Variants in SNRNP200 observed in about 807,000 individuals in gnomAD.
The protein encoded by SNRNP200 is U5 small nuclear ribonucleoprotein 200 kDa helicase.
A neutral mutation model predicts 255.2 loss-of-function variants in SNRNP200; 66 were observed. The observed-to-expected ratio is 0.26, with a 90% confidence interval of 0.21 to 0.32. The LOEUF (loss-of-function observed/expected upper bound fraction) is 0.32, where lower values mean the gene tolerates loss of function less well. Ranked by LOEUF, SNRNP200 falls within the 10% of genes least tolerant of loss-of-function variation. The pLI, the probability that SNRNP200 is intolerant of heterozygous loss-of-function variation, is 1.00. For synonymous variants in SNRNP200, 939 were observed against 1,027.8 expected (o/e 0.91, Z 1.65); for missense variants, 1,585 against 2,749.8 (o/e 0.58, Z 9.47).
intron 22 of SNRNP200, 48 bp downstream of exon 22, chr2:96,289,179 G>A: frequency 6.2e-7 from 1 of 1,613,710 alleles, no homozygotes. Context: ...ACCATTCAGT[G>A]ACTTGGTGAG....
rs2063851395 is a variant in SNRNP200, at chr2:96,287,565, GGAA to G, written c.3366-11_3366-9del. On this transcript the variant is annotated splice_polypyrimidine_tract_variant and intron_variant, in intron 25 of 44. Coordinates refer to ENST00000323853, the MANE Select transcript of SNRNP200 (RefSeq NM_014014.5). This position sits in a 1 kb window ranked among gnomAD's most constrained non-coding sequence, Gnocchi z 5.7. ...GGACACATGGACTGCCACCTATCCA[GGAA>G]GGAGGCAAAGCTGTTGGTCCCTTCT... The G allele has an allele frequency of 3.1e-6, 5 of 1,603,968 alleles. No individual in the cohort carries two copies. The highest frequency in any genetic ancestry group is 2.6e-6 in the Non-Finnish European group (3 of 1,170,676).
At position 96,286,488 on chromosome 2, in the gene SNRNP200, C is replaced by A; in HGVS notation, c.3830-4G>T. The A allele has an allele frequency of 6.2e-7, 1 of 1,613,904 alleles. No homozygotes were observed. The highest frequency in any genetic ancestry group is 1.1e-5 in the South Asian group (1 of 91,066). On this transcript the variant is annotated splice_region_variant and splice_polypyrimidine_tract_variant and intron_variant, in intron 28 of 44. Transcript: ENST00000323853. This position sits in a 1 kb window ranked among gnomAD's most constrained non-coding sequence, Gnocchi z 4.8. The stretch of plus-strand genomic sequence containing the variant: ...ACAGGCAGCTGGGTCTCACAAGCTG[C>A]CAGAAAAGAAACAGGAAGGATATAA...
chr2:96,282,190 C>A (rs567924468), intron 34 of SNRNP200: 2 of 446,020 alleles, frequency 4.5e-6, no homozygotes, highest in African/African-American at 4.0e-5. Context: ...GGCAAAACTA[C>A]AGCTGATGGA....
In SNRNP200 at chr2:96,290,921, C is replaced by T. The variant is rs1335977321; in HGVS notation, c.2422-106G>A. 36 of 1,366,536 alleles carry T rather than the reference C, an allele frequency of 2.6e-5. No individual in the cohort carries two copies. The highest frequency in any genetic ancestry group is 2.5e-4 in the South Asian group (21 of 83,368). The allele number at this position is 1,366,536 out of a possible 1,614,324, so 84.7% of individuals were successfully genotyped here. On this transcript the variant is annotated intron_variant, in intron 18 of 44. Coordinates refer to ENST00000323853, the MANE Select transcript of SNRNP200 (RefSeq NM_014014.5). This position sits in a 1 kb window ranked among gnomAD's most constrained non-coding sequence, Gnocchi z 4.5. ...CCTCAGAGCTTCTCTCAGGACTAGC[C>T]GGTAGGGCGCGTGGGGTCCCAGTAC... is the stretch of plus-strand genomic sequence containing the variant.
rs150266432 is a variant in SNRNP200 at position 96,294,678 on chromosome 2, C to CA, written c.1842+809dup. On this transcript the variant is annotated intron_variant, in intron 14 of 44. Transcript: ENST00000323853. Reference sequence around the variant, plus strand: ...TTTCCCAGACAACTTAAACTATACTCAGACTTAGTCACTAATCTCTGGAAG... The same window carrying CA: ...TTTCCCAGACAACTTAAACTATACTCAAGACTTAGTCACTAATCTCTGGAAG... 1.4e-3 allele frequency among the ~76,000 whole-genome samples: 214 copies of CA among 152,336 alleles called. 5 individuals carry two copies. In the East Asian group the frequency reaches 0.035, roughly 25 times the overall value.
At chr2:96,282,972 A>G (rs1242154222) in intron 34 of SNRNP200, 2 of 620,460 alleles carry the variant, frequency 3.2e-6, no homozygotes, top group South Asian at 1.8e-5. Flanking sequence ...AAATAGCACA[A>G]CCTGATGTGT....
In SNRNP200 at chr2:96,285,353, A is replaced by G. The variant is rs775050730; in HGVS notation, c.4004-13T>C. ...ACAGTGTTAAACACTGGAAACCAAC[A>G]GAAAGAAGCAGTGTAAGTATCAAGA... On this transcript the variant is annotated splice_polypyrimidine_tract_variant and intron_variant, in intron 29 of 44. Coordinates refer to ENST00000323853, the MANE Select transcript of SNRNP200 (RefSeq NM_014014.5). The G allele has an allele frequency of 6.8e-6, 11 of 1,613,980 alleles. No individual in the cohort carries two copies. Among genetic ancestry groups the G allele is most frequent in the Non-Finnish European group, 9.3e-6 (11 of 1,179,932 alleles).
intron 36 of SNRNP200, chr2:96,279,211 A>G: frequency 1.5e-6 from 1 of 645,976 alleles, no homozygotes. Context: ...TGAGCAGCCC[A>G]AGGAGGAAGG....
chr2:96,293,018 T>C lies in SNRNP200; in HGVS notation c.2114A>G (p.Asn705Ser), dbSNP rs2063893484. 2 of 1,614,190 alleles carry C rather than the reference T, an allele frequency of 1.2e-6. No individual in the cohort carries two copies. The highest frequency in any genetic ancestry group is 1.1e-5 in the South Asian group (1 of 91,082). Residue 705 changes from asparagine (N) to serine (S), a missense_variant, in exon 16 of 45, where the codon AAT becomes AGT. Transcript: ENST00000323853. ...CATGATTTTTTCATAGACGATTTCA[T>C]TCATGATCTGGAAACGCTTGATAGC... ...KKAIKRFQIM[N>S]EIVYEKIMEH... is the part of the protein sequence containing the mutation.
rs974648430 is a variant in SNRNP200 at position 96,277,781 on chromosome 2, C to T, written c.5754+26G>A. 1 of 1,614,126 alleles carries T rather than the reference C, an allele frequency of 6.2e-7. No individual in the cohort carries two copies. Among genetic ancestry groups the T allele is most frequent in the Non-Finnish European group, 8.5e-7 (1 of 1,180,014 alleles). On this transcript the variant is annotated intron_variant, in intron 40 of 44. Coordinates refer to ENST00000323853, the MANE Select transcript of SNRNP200 (RefSeq NM_014014.5). The surrounding 1 kb of genome is among the most constrained non-coding windows in gnomAD (Gnocchi z 4.4). ...CTGAGATGTTTAGAGCACCACTGAC[C>T]CCTCTGCCCCACACCCACACTCTAC... is the stretch of plus-strand genomic sequence containing the variant.
In SNRNP200 at chr2:96,290,426, G is replaced by A; in HGVS notation, c.2642C>T (p.Ser881Phe). Residue 881 changes from serine (S) to phenylalanine (F), a missense_variant, in exon 20 of 45, where the codon TCC (serine) becomes TTC (phenylalanine). Physicochemically the swap from Ser to Phe is radical, Grantham distance 155. Around this residue, in one of 9 missense-constraint regions of SNRNP200, gnomAD observed 719 missense variants for 1,091.1 expected, o/e 0.66. Coordinates refer to ENST00000323853, the MANE Select transcript of SNRNP200 (RefSeq NM_014014.5). The surrounding 1 kb of genome is among the most constrained non-coding windows in gnomAD (Gnocchi z 4.5). ...TSHGELQYYL[S>F]LLNQQLPIES... Reference sequence around the variant, plus strand: ...AATAGGAAGTTGTTGATTGAGGAGGGACAGGTAGTACTGTAGCTCCCCATG... The same window carrying A: ...AATAGGAAGTTGTTGATTGAGGAGGAACAGGTAGTACTGTAGCTCCCCATG... 6.2e-7 allele frequency: 1 copy of A among 1,613,980 alleles called. No homozygotes were observed. Among genetic ancestry groups the A allele is most frequent in the Non-Finnish European group, 8.5e-7 (1 of 1,179,848 alleles).
In SNRNP200 at chr2:96,291,582, AC is replaced by A; in HGVS notation, c.2311-81del. The A allele has an allele frequency of 8.1e-7, 1 of 1,239,396 alleles. No individual in the cohort carries two copies. The highest frequency in any genetic ancestry group is 1.2e-6 in the Non-Finnish European group (1 of 841,474). The allele number at this position is 1,239,396 out of a possible 1,614,324, so 76.8% of individuals were successfully genotyped here. A position where few individuals can be genotyped will look rare whatever the true frequency, so the allele number is the denominator to read the frequency against. ...GACTAAGGAAATCTCCTCCCATGAG[AC>A]CCTGCCCCTTAACTATTATGTGGAA... On this transcript the variant is annotated intron_variant, in intron 17 of 44. Coordinates refer to ENST00000323853, the MANE Select transcript of SNRNP200 (RefSeq NM_014014.5). This position sits in a 1 kb window ranked among gnomAD's most constrained non-coding sequence, Gnocchi z 4.2.
At position 96,287,370 on chromosome 2, in the gene SNRNP200, G is replaced by C. The variant is rs1351385128; in HGVS notation, c.3484+69C>G. On this transcript the variant is annotated intron_variant, in intron 26 of 44. Coordinates refer to ENST00000323853, the MANE Select transcript of SNRNP200 (RefSeq NM_014014.5). The surrounding 1 kb of genome is among the most constrained non-coding windows in gnomAD (Gnocchi z 5.7). Reference sequence around the variant, plus strand: ...TACTAATGCACAGGCCTAGGAACAGGAAGACTACATAGGCAAACTGGGAGA... The same window carrying C: ...TACTAATGCACAGGCCTAGGAACAGCAAGACTACATAGGCAAACTGGGAGA... 1 of 1,257,170 alleles carries C rather than the reference G, an allele frequency of 8.0e-7. No individual in the cohort carries two copies. Among genetic ancestry groups the C allele is most frequent in the Non-Finnish European group, 1.2e-6 (1 of 854,712 alleles). The allele number at this position is 1,257,170 out of a possible 1,614,324, so 77.9% of individuals were successfully genotyped here.
In SNRNP200 at chr2:96,290,300, A is replaced by G. The variant is rs1431064113; in HGVS notation, c.2742+26T>C. 6.2e-6 allele frequency: 10 copies of G among 1,612,202 alleles called. No homozygotes were observed. Among genetic ancestry groups the G allele is most frequent in the Non-Finnish European group, 8.5e-6 (10 of 1,179,170 alleles). ...CCTTGGTGTCTGCGGGGAAAGCATG[A>G]AGCACAACAAGCAGTCCTCCCCTAC... On this transcript the variant is annotated intron_variant, in intron 20 of 44. Coordinates refer to ENST00000323853, the MANE Select transcript of SNRNP200 (RefSeq NM_014014.5). This position sits in a 1 kb window ranked among gnomAD's most constrained non-coding sequence, Gnocchi z 4.5.
Position 96,278,697 on chromosome 2 carries a change from G to C in SNRNP200, c.5338C>G (p.His1780Asp). Residue 1780 changes from histidine to aspartate, a missense_variant, in exon 38 of 45, where the codon CAC becomes GAC. Transcript: ENST00000323853. The surrounding 1 kb of genome is among the most constrained non-coding windows in gnomAD (Gnocchi z 6.9). ...AGCTCTGACAAGTGGTCCGACAAGT[G>C]ACGATGGGAGATGCCTATGGAGGCG... Reference protein sequence around the residue: ...YYNLQGISHRHLSDHLSELVE... With the variant: ...YYNLQGISHRDLSDHLSELVE... 1.2e-6 allele frequency: 2 copies of C among 1,614,254 alleles called. No individual in the cohort carries two copies. The highest frequency in any genetic ancestry group is 1.7e-6 in the Non-Finnish European group (2 of 1,180,052).
chr2:96,284,723 T>TAACCCC (rs746342256), intron 30 of SNRNP200, 138 bp from the exon 31 acceptor site: 23 of 691,520 alleles, frequency 3.3e-5, no homozygotes, highest in Non-Finnish European at 5.4e-5. Flanking sequence ...TAGCAGCCTC[T>TAACCCC]ATGCGATGCG....
At position 96,287,060 on chromosome 2, in the gene SNRNP200, G is replaced by A. The variant is rs765610901; in HGVS notation, c.3585C>T (p.Arg1195=). 75 of 1,614,094 alleles carry A rather than the reference G, an allele frequency of 4.6e-5. No homozygotes were observed. The highest frequency in any genetic ancestry group is 5.8e-5 in the Non-Finnish European group (69 of 1,180,022). Reference sequence around the variant, plus strand: ...TGGTCAGCTCCACCTTCAGGGTGGAGCGTGTGATAGGCTGCAGGTGCACTG... The same window carrying A: ...TGGTCAGCTCCACCTTCAGGGTGGAACGTGTGATAGGCTGCAGGTGCACTG... The part of the protein sequence containing the change: ...ELSVHLQPIT[R]STLKVELTIT... Residue 1195 remains arginine, a synonymous_variant, in exon 27 of 45, where the codon CGC becomes CGT. Coordinates refer to ENST00000323853, the MANE Select transcript of SNRNP200 (RefSeq NM_014014.5). This position sits in a 1 kb window ranked among gnomAD's most constrained non-coding sequence, Gnocchi z 5.7.
At chr2:96,279,046 C>CG (rs1558763507) in intron 36 of SNRNP200, 48 bp from the exon 37 acceptor site, 1 of 1,508,660 alleles carries the variant, frequency 6.6e-7, no homozygotes, top group Admixed American at 1.7e-5. Context: ...AGTGACAACA[C>CG]GGTCACAGAG....
At chr2:96,288,568 T>C (rs1291658574) in intron 24 of SNRNP200, 95 bp downstream of exon 24, 3 of 1,090,438 alleles carry the variant, frequency 2.8e-6, no homozygotes, top group Non-Finnish European at 4.2e-6. Context: ...CCCATCTCAC[T>C]AGGGTCGGGC....
Sources: gnomAD v4.1 joint callset for allele counts (sites outside exome capture counted in the v4.1 genomes callset) on GRCh38, gnomAD v4.1.1 for gene constraint, gnomAD v4.1.1 regional missense constraint, Gnocchi (gnomAD v3.1) non-coding constraint, MANE v1.5 for transcripts, NCBI Gene and HGNC (gene_info 2026-07-23, HGNC 2026-07-21) for gene names.